ABCA13: variants seen among roughly 807,000 people sequenced by gnomAD.
ABCA13 encodes ATP binding cassette subfamily A member 13.
In ABCA13, 476 loss-of-function variants were observed where a neutral mutation model predicts 478.7. The ratio of observed to expected loss-of-function variants is 0.99; its 90% CI spans 0.92 to 1.07. ABCA13 has a LOEUF of 1.07. ABCA13 is among the 50% of genes least tolerant of loss of function. ABCA13 has a pLI of 0.00. For synonymous variants in ABCA13, 2,252 were observed against 2,158.9 expected (o/e 1.04, Z -1.20); for missense variants, 6,060 against 5,910.6 (o/e 1.03, Z -0.83).
At chr7:48,368,846 C>T (rs1812190816) in intron 32 of ABCA13, among the ~76,000 whole-genome samples, 1 of 150,726 alleles carries the variant, frequency 6.6e-6, no homozygotes, top group African/African-American at 2.4e-5. Context: ...GGGTTGGTTC[C>T]ATATTTTTGT....
At chr7:48,384,892 C>T (rs1296857113) in intron 35 of ABCA13, among the ~76,000 whole-genome samples, 3 of 152,178 alleles carry the variant, frequency 2.0e-5, no homozygotes, top group Non-Finnish European at 4.4e-5. Context: ...TTGTGTCATT[C>T]CTGTGTATCT....
intron 27 of ABCA13, among the ~76,000 whole-genome samples, chr7:48,328,325 G>A (rs1284864983): frequency 6.6e-6 from 1 of 152,172 alleles, no homozygotes; most frequent in African/African-American, 2.4e-5. Context: ...TCTGACTGTA[G>A]GCATCAAATC....
chr7:48,569,608 C>T (rs10232169), intron 55 of ABCA13, among the ~76,000 whole-genome samples: 69,986 of 151,784 alleles, frequency 0.46, 18,967 homozygotes, highest in African/African-American at 0.76. Flanking sequence ...CATTGCAACC[C>T]CCACCTCTCA....
chr7:48,205,121 A>C (rs372337881), intron 3 of ABCA13, among the ~76,000 whole-genome samples: 16 of 152,250 alleles, frequency 1.1e-4, no homozygotes, highest in African/African-American at 3.4e-4. Context: ...TTTTATTTTT[A>C]AATTTCTCCT....
At position 48,534,523 on chromosome 7, in the gene ABCA13, TTGAGCTTCTTGTATTTG is replaced by T. The variant is rs1334689911; in HGVS notation, c.14354+6179_14354+6195del. Among the ~76,000 whole-genome samples, 29 of 152,288 alleles carry T rather than the reference TTGAGCTTCTTGTATTTG, an allele frequency of 1.9e-4. No homozygotes were observed. The East Asian group carries it at 5.0e-3, about 26-fold the overall frequency. ...TTTCAATGAATTTCCCAGGTGTTCT[TTGAGCTTCTTGTATTTG>T]AATGTCTAGATCTCTAGCAAGGCCA... On this transcript the variant is annotated intron_variant, in intron 55 of 61. Coordinates refer to ENST00000435803, the MANE Select transcript of ABCA13 (RefSeq NM_152701.5).
intron 1 of ABCA13, among the ~76,000 whole-genome samples, chr7:48,190,848 T>C (rs1797013025): frequency 6.6e-6 from 1 of 152,222 alleles, no homozygotes; most frequent in African/African-American, 2.4e-5. Flanking sequence ...ATAATCTTTC[T>C]GTACTTTTAA....
At chr7:48,174,184 A>G (rs1262472077) in intron 1 of ABCA13, among the ~76,000 whole-genome samples, 1 of 152,228 alleles carries the variant, frequency 6.6e-6, no homozygotes, top group Non-Finnish European at 1.5e-5. Flanking sequence ...CTGTGGAATA[A>G]CCAAACTGCC....
At position 48,391,982 on chromosome 7, in the gene ABCA13, C is replaced by T; in HGVS notation, c.11716C>T (p.Leu3906=). ...AACCATCATCATCAATGGCAAGAACCTACAGACAGACCTGTCGAGGGTCAG... is the reference window on the plus strand; with the variant it reads ...AACCATCATCATCAATGGCAAGAACTTACAGACAGACCTGTCGAGGGTCAG... ...SGTIIINGKN[L]QTDLSRVRME... Residue 3906 remains leucine (L), a synonymous_variant, in exon 38 of 62, where the codon CTA becomes TTA. Transcript: ENST00000435803. 6.2e-7 allele frequency: 1 copy of T among 1,613,998 alleles called. No individual in the cohort carries two copies. Among genetic ancestry groups the T allele is most frequent in the South Asian group, 1.1e-5 (1 of 91,082 alleles).
intron 1 of ABCA13, among the ~76,000 whole-genome samples, chr7:48,180,483 T>C (rs944578915): frequency 2.0e-5 from 3 of 152,192 alleles, no homozygotes; most frequent in African/African-American, 4.8e-5. Context: ...TGCAATGGCG[T>C]GATCTCAGCT....
chr7:48,392,237 A>T, intron 38 of ABCA13, 98 bp downstream of exon 38: 2 of 1,127,496 alleles, frequency 1.8e-6, no homozygotes, highest in Non-Finnish European at 2.6e-6. Context: ...ATCTGTGTCT[A>T]CATTTATAAG....
At chr7:48,589,080 C>A (rs1354272896) in intron 57 of ABCA13, among the ~76,000 whole-genome samples, 1 of 152,154 alleles carries the variant, frequency 6.6e-6, no homozygotes, top group Non-Finnish European at 1.5e-5. Flanking sequence ...AACCTAAGCT[C>A]TTAAGAAATA....
Position 48,568,900 on chromosome 7 carries a change from A to G in ABCA13, c.14355-11324A>G, listed in dbSNP as rs576713935. Reference sequence around the variant, plus strand: ...CTAGGAATTTGTCCGTGTTATCTAAATTTCTTAGGATTTTGGCATACGAAT... The same window carrying G: ...CTAGGAATTTGTCCGTGTTATCTAAGTTTCTTAGGATTTTGGCATACGAAT... On this transcript the variant is annotated intron_variant, in intron 55 of 61. Coordinates refer to ENST00000435803, the MANE Select transcript of ABCA13 (RefSeq NM_152701.5). Among the ~76,000 whole-genome samples the G allele has an allele frequency of 4.6e-5, 7 of 151,880 alleles. No individual in the cohort carries two copies. In the East Asian group the frequency reaches 7.7e-4, roughly 17 times the overall value.
At position 48,318,246 on chromosome 7, in the gene ABCA13, C is replaced by T. The variant is rs996299020; in HGVS notation, c.9999+950C>T. Reference sequence around the variant, plus strand: ...GTCACAGCACTGTTTCCTGTAAGTTCCCTTTCCCACTTTGCCACCTACCTC... The same window carrying T: ...GTCACAGCACTGTTTCCTGTAAGTTTCCTTTCCCACTTTGCCACCTACCTC... On this transcript the variant is annotated intron_variant, in intron 27 of 61. Coordinates refer to ENST00000435803, the MANE Select transcript of ABCA13 (RefSeq NM_152701.5). 2.0e-5 allele frequency among the ~76,000 whole-genome samples: 3 copies of T among 152,288 alleles called. No individual in the cohort carries two copies. In the South Asian group the frequency reaches 6.2e-4, roughly 32 times the overall value.
intron 8 of ABCA13, among the ~76,000 whole-genome samples, chr7:48,238,163 AG>A (rs1790248103): frequency 6.6e-6 from 1 of 152,190 alleles, no homozygotes; most frequent in African/African-American, 2.4e-5. Flanking sequence ...ACGTGGTAGA[AG>A]GGGTAAGGGA....
At chr7:48,415,938 C>T (rs1053756917) in intron 41 of ABCA13, among the ~76,000 whole-genome samples, 1 of 151,898 alleles carries the variant, frequency 6.6e-6, no homozygotes, top group Non-Finnish European at 1.5e-5. Flanking sequence ...TCCTTCCTGC[C>T]TTCCTTCCCT....
Position 48,276,482 on chromosome 7 carries a change from C to G in ABCA13, c.6816C>G (p.Phe2272Leu), listed in dbSNP as rs1403482576. The G allele has an allele frequency of 5.0e-6, 8 of 1,607,404 alleles. No homozygotes were observed. Among genetic ancestry groups the G allele is most frequent in the Non-Finnish European group, 6.8e-6 (8 of 1,177,580 alleles). Residue 2272 changes from phenylalanine to leucine, a missense_variant, in exon 17 of 62, where the codon TTC becomes TTG. Coordinates refer to ENST00000435803, the MANE Select transcript of ABCA13 (RefSeq NM_152701.5). The part of the protein sequence containing the change: ...DFTEQFLKTF[F>L]SLFLKEDSEN... ...CAGAACAGTTTTTGAAAACATTCTT[C>G]TCCCTTTTTCTAAAGGAAGATTCTG...
chr7:48,376,602 C>T (rs559948736), intron 35 of ABCA13, 30 bp downstream of exon 35: 1 of 1,605,424 alleles, frequency 6.2e-7, no homozygotes, highest in South Asian at 1.1e-5. Flanking sequence ...TAAGATAACA[C>T]AATAAATTTT....
chr7:48,380,893 C>T (rs1814255031), intron 35 of ABCA13, among the ~76,000 whole-genome samples: 1 of 152,124 alleles, frequency 6.6e-6, no homozygotes, highest in Non-Finnish European at 1.5e-5. Context: ...GGGGCGATCA[C>T]ACTCGGGGTC....
chr7:48,299,117 G>A (rs368954000), intron 23 of ABCA13, among the ~76,000 whole-genome samples: 46 of 152,322 alleles, frequency 3.0e-4, no homozygotes, highest in African/African-American at 1.1e-3. Context: ...GTTTTCCACA[G>A]CAGATATCAC....
Sources: gnomAD v4.1 joint callset for allele counts (sites outside exome capture counted in the v4.1 genomes callset) on GRCh38, gnomAD v4.1.1 for gene constraint, MANE v1.5 for transcripts, NCBI Gene and HGNC (gene_info 2026-07-23, HGNC 2026-07-21) for gene names.